The following GPKOW variants were observed in gnomAD, a reference collection of about 807,000 sequenced individuals.
The protein encoded by GPKOW is G-patch domain and KOW motifs-containing protein.
For synonymous variants in GPKOW, 167 were observed against 159.1 expected (o/e 1.05, Z -0.37); for missense variants, 359 against 404.7 (o/e 0.89, Z 0.97).
intron 3 of GPKOW, among the ~76,000 whole-genome samples, chrX:49,120,609 G>C (rs986016273): frequency 9.0e-6 from 1 of 111,061 alleles, no homozygotes; most frequent in Non-Finnish European, 1.9e-5. Context: ...GGATTGTGCT[G>C]GCATATTGTA....
intron 1 of GPKOW, 49 bp downstream of exon 1, chrX:49,123,498 T>G (rs781995612): frequency 4.5e-6 from 5 of 1,120,788 alleles, no homozygotes; most frequent in Non-Finnish European, 6.0e-6. Flanking sequence ...TCCCTCCCGC[T>G]TACGCCCACC....
At chrX:49,121,588 A>C (rs2065213231) in intron 3 of GPKOW, among the ~76,000 whole-genome samples, 1 of 110,222 alleles carries the variant, frequency 9.1e-6, no homozygotes, top group Admixed American at 9.8e-5. Flanking sequence ...AGAGGTGAAA[A>C]GTCAGGTCTG....
intron 1 of GPKOW, 64 bp downstream of exon 1, chrX:49,123,483 A>C: frequency 9.6e-7 from 1 of 1,036,886 alleles, no homozygotes; most frequent in East Asian, 3.3e-5. Context: ...AACAACTGAG[A>C]TTCCTCCCTC....
chrX:49,119,232 T>C (rs1025038174), intron 4 of GPKOW, among the ~76,000 whole-genome samples: 1 of 110,336 alleles, frequency 9.1e-6, no homozygotes, highest in East Asian at 2.8e-4. Context: ...GCTGGGATTA[T>C]ATGTGTGAGC....
At position 49,113,770 on chromosome X, in the gene GPKOW, A is replaced by T; in HGVS notation, c.1297-15T>A. 1.7e-6 allele frequency: 2 copies of T among 1,208,614 alleles called. No homozygotes were observed. Among genetic ancestry groups the T allele is most frequent in the Non-Finnish European group, 2.2e-6 (2 of 893,651 alleles). On this transcript the variant is annotated splice_polypyrimidine_tract_variant and intron_variant, in intron 10 of 10. Transcript: ENST00000156109. ...AAATGTCCCACCTGGAACAGAGGTG[A>T]AGTGGAATCAGCAAGGCAAGCCTAG... is the stretch of plus-strand genomic sequence containing the variant.
Position 49,113,454 on chromosome X carries a change from T to C in GPKOW, c.*167A>G, listed in dbSNP as rs190933140. 2.1e-6 allele frequency: 1 copy of C among 470,054 alleles called. No homozygotes were observed. Among genetic ancestry groups the C allele is most frequent in the East Asian group, 3.7e-5 (1 of 26,838 alleles). 38.7% of individuals were successfully genotyped at this position (470,054 alleles called of 1,213,427 possible). ...ACCCTAAATTTTGGTAAATATTGGGTTTGTTTCTAGCTTCCCTACTGGTTC... is the reference window on the plus strand; with the variant it reads ...ACCCTAAATTTTGGTAAATATTGGGCTTGTTTCTAGCTTCCCTACTGGTTC... On this transcript the variant is annotated 3_prime_UTR_variant, in exon 11 of 11. Transcript: ENST00000156109.
At position 49,122,695 on chromosome X, in the gene GPKOW, G is replaced by A. The variant is rs2065218006; in HGVS notation, c.258C>T (p.Pro86=). The A allele has an allele frequency of 1.4e-5, 17 of 1,210,115 alleles. No homozygotes were observed. In the East Asian group the frequency reaches 4.7e-4, roughly 34 times the overall value. The part of the protein sequence containing the change: ...NGHRRQPPAR[P]PGPSTDTGAL... ...CCCCAGTATCTGTGGATGGCCCAGG[G>A]GGCCGGGCTGGTGGCTGCCTGCGAT... Residue 86 remains proline, a synonymous_variant, in exon 2 of 11, where the codon CCC becomes CCT. Coordinates refer to ENST00000156109, the MANE Select transcript of GPKOW (RefSeq NM_015698.6).
In GPKOW at chrX:49,115,758, A is replaced by G. The variant is rs375546890; in HGVS notation, c.1178T>C (p.Val393Ala). Residue 393 changes from valine to alanine, a missense_variant, in exon 9 of 11, where the codon GTA (valine) becomes GCA (alanine). Transcript: ENST00000156109. The part of the protein sequence containing the change: ...IEDVLSPDTC[V>A]CRTDEGRVLE... Reference sequence around the variant, plus strand: ...GACTCGGCCTTCATCTGTCCGACATACACAGGTATCTGGGCTTAGGACATC... The same window carrying G: ...GACTCGGCCTTCATCTGTCCGACATGCACAGGTATCTGGGCTTAGGACATC... The G allele has an allele frequency of 7.5e-6, 9 of 1,206,403 alleles. No homozygotes were observed. The African/African-American group carries it at 1.6e-4, about 21-fold the overall frequency.
At position 49,113,419 on chromosome X, in the gene GPKOW, T is replaced by C. The variant is rs1167909909; in HGVS notation, c.*202A>G. ...TCTTTCTATTAAGTACTTGAAATGG[T>C]TTTTATTATACCCTAAATTTTGGTA... On this transcript the variant is annotated 3_prime_UTR_variant, in exon 11 of 11. Transcript: ENST00000156109. 1.4e-5 allele frequency: 6 copies of C among 423,989 alleles called. No individual in the cohort carries two copies. The Admixed American group carries it at 2.5e-4, about 17-fold the overall frequency. The allele number at this position is 423,989 out of a possible 1,213,427, so 34.9% of individuals were successfully genotyped here.
chrX:49,121,623 A>C (rs1003708523), intron 3 of GPKOW, among the ~76,000 whole-genome samples: 1 of 110,452 alleles, frequency 9.1e-6, no homozygotes, highest in African/African-American at 3.3e-5. Context: ...AGACTTGGTT[A>C]CTTCTGTAGA....
intron 4 of GPKOW, 55 bp downstream of exon 4, chrX:49,119,650 T>A: frequency 2.7e-6 from 2 of 738,068 alleles, no homozygotes; most frequent in Non-Finnish European, 4.1e-6. Flanking sequence ...ACCCTGGGGA[T>A]CTTGATTGCA....
Position 49,113,522 on chromosome X carries a change from A to G in GPKOW, c.*99T>C. 1.2e-6 allele frequency: 1 copy of G among 834,560 alleles called. No homozygotes were observed. Among genetic ancestry groups the G allele is most frequent in the African/African-American group, 2.0e-5 (1 of 50,592 alleles). 68.8% of individuals were successfully genotyped at this position (834,560 alleles called of 1,213,427 possible). A position where few individuals can be genotyped will look rare whatever the true frequency, so the allele number is the denominator to read the frequency against. The stretch of plus-strand genomic sequence containing the variant: ...GTCCTTGTCCCAGGACTGCACCAGA[A>G]GTAGAGGATGGAACAATGATCTTCC... On this transcript the variant is annotated 3_prime_UTR_variant, in exon 11 of 11. Coordinates refer to ENST00000156109, the MANE Select transcript of GPKOW (RefSeq NM_015698.6).
At chrX:49,114,044 T>C (rs1474858000) in intron 9 of GPKOW, 106 bp from the exon 10 acceptor site, 1 of 529,002 alleles carries the variant, frequency 1.9e-6, no homozygotes, top group African/African-American at 2.3e-5. Context: ...ACACCTGTAG[T>C]CCCAGCACTT....
At chrX:49,118,605 G>C (rs190014645) in intron 4 of GPKOW, among the ~76,000 whole-genome samples, 1 of 107,476 alleles carries the variant, frequency 9.3e-6, no homozygotes, top group African/African-American at 3.4e-5. Context: ...CAGGCATGCT[G>C]GTGCATGCCT....
intron 6 of GPKOW, 108 bp downstream of exon 6, chrX:49,116,922 C>A: frequency 1.6e-6 from 1 of 622,899 alleles, no homozygotes; most frequent in Non-Finnish European, 2.6e-6. Flanking sequence ...CTGCCAGGCA[C>A]ACTGCTGCCC....
Position 49,115,933 on chromosome X carries a change from A to T in GPKOW, c.1098T>A (p.Phe366Leu), listed in dbSNP as rs782703219. 6.6e-6 allele frequency: 8 copies of T among 1,210,911 alleles called. No individual in the cohort carries two copies. Among genetic ancestry groups the T allele is most frequent in the Non-Finnish European group, 4.5e-6 (4 of 894,756 alleles). Reference sequence around the variant, plus strand: ...GGCCTCCTTTGTACATGTTGTCCACAAACCGCACACGCAGGTCCCTGTGCA... The same window carrying T: ...GGCCTCCTTTGTACATGTTGTCCACTAACCGCACACGCAGGTCCCTGTGCA... ...HWLHRDLRVR[F>L]VDNMYKGGQY... Residue 366 changes from phenylalanine (F) to leucine (L), a missense_variant, in exon 8 of 11, where the codon TTT (phenylalanine) becomes TTA (leucine). By Grantham distance (22) the Phe-to-Leu change is conservative. Coordinates refer to ENST00000156109, the MANE Select transcript of GPKOW (RefSeq NM_015698.6).
chrX:49,120,096 C>A (rs782780348), intron 3 of GPKOW, among the ~76,000 whole-genome samples: 2 of 112,125 alleles, frequency 1.8e-5, no homozygotes, highest in South Asian at 7.3e-4. Context: ...AGCTTCTGAT[C>A]TAGTTGTGGA....
At chrX:49,117,926 T>TC (rs2065199676) in intron 4 of GPKOW, 116 bp from the exon 5 acceptor site, 2 of 457,064 alleles carry the variant, frequency 4.4e-6, no homozygotes, top group Admixed American at 9.1e-5. Flanking sequence ...TCTTTTCTTT[T>TC]CTTTTTTTTT....
chrX:49,116,197 C>G (rs1557090230), intron 7 of GPKOW, 24 bp downstream of exon 7: 1 of 1,134,854 alleles, frequency 8.8e-7, no homozygotes, highest in Admixed American at 2.2e-5. Flanking sequence ...CTTCTTGACC[C>G]CTCCCGCATG....
Sources: allele counts gnomAD v4.1 joint callset (sites outside exome capture counted in the v4.1 genomes callset), GRCh38; gene constraint gnomAD v4.1.1; transcripts MANE v1.5; gene names NCBI Gene and HGNC (gene_info 2026-07-23, HGNC 2026-07-21).